Variants in SRGAP2C observed in about 807,000 individuals in gnomAD.
SRGAP2C encodes the protein SLIT-ROBO Rho GTPase-activating protein 2C.
A neutral mutation model predicts 25.1 loss-of-function variants in SRGAP2C; 15 were observed. The ratio of observed to expected loss-of-function variants is 0.60; its 90% CI spans 0.40 to 0.92. The LOEUF (loss-of-function observed/expected upper bound fraction) is 0.92. Ranked by LOEUF, SRGAP2C falls within the 40% of genes least tolerant of loss-of-function variation. The pLI is 0.00. For synonymous variants in SRGAP2C, 44 were observed against 96.6 expected, an observed-to-expected ratio of 0.46 and a Z score of 3.19; for missense variants, 144 against 264.4, an observed-to-expected ratio of 0.54 and a Z score of 3.16.
Position 121,343,313 on chromosome 1 carries a change from A to G in SRGAP2C, c.423+18673A>G, listed in dbSNP as rs1433914351. On this transcript the variant is annotated intron_variant, in intron 4 of 9. Transcript: ENST00000367123. ...CAGTGGAATCTAATTCCATCCTTCC[A>G]ATCCCCTTCATATGAAGAGTGGGAA... is the stretch of plus-strand genomic sequence containing the variant. Among the ~76,000 whole-genome samples the G allele has an allele frequency of 4.1e-4, 63 of 152,284 alleles. 1 individual carries two copies. The highest frequency in any genetic ancestry group is 1.5e-3 in the African/African-American group (61 of 41,564).
At chr1:121,351,610 AAAATAAATAAATAAATAAATAAAT>A (rs1218821325) in intron 4 of SRGAP2C, among the ~76,000 whole-genome samples, 3 of 104,708 alleles carry the variant, frequency 2.9e-5, no homozygotes, top group Admixed American at 9.2e-5. Flanking sequence ...ACTCCATCTC[AAAATAAATAAATAAATAAATAAAT>A]AAATAAATAA....
At chr1:121,222,640 CAAAA>C (rs1402660731) in intron 2 of SRGAP2C, among the ~76,000 whole-genome samples, 1 of 151,884 alleles carries the variant, frequency 6.6e-6, no homozygotes, top group Non-Finnish European at 1.5e-5. Context: ...AACAAGCTAA[CAAAA>C]AAACCCCTAA....
At chr1:121,206,199 C>T (rs1241671295) in intron 2 of SRGAP2C, among the ~76,000 whole-genome samples, 4 of 151,962 alleles carry the variant, frequency 2.6e-5, no homozygotes, top group Non-Finnish European at 4.4e-5. Context: ...CACCCCCACC[C>T]CCATGCTCCT....
chr1:121,284,162 C>G (rs1355649740), intron 2 of SRGAP2C, among the ~76,000 whole-genome samples: 2 of 152,030 alleles, frequency 1.3e-5, no homozygotes, highest in South Asian at 2.1e-4. Flanking sequence ...GTTTGCCTGC[C>G]CAGAAGTTCT....
chr1:121,207,192 C>T (rs1478356184), intron 2 of SRGAP2C, among the ~76,000 whole-genome samples: 1 of 152,022 alleles, frequency 6.6e-6, no homozygotes, highest in African/African-American at 2.4e-5. Context: ...CCTCCTTTTG[C>T]AGCTTCTTAC....
intron 7 of SRGAP2C, among the ~76,000 whole-genome samples, chr1:121,379,325 G>A (rs1418320056): frequency 6.6e-6 from 1 of 151,026 alleles, no homozygotes; most frequent in African/African-American, 2.4e-5. Flanking sequence ...ACATCTGGAT[G>A]GGCTGTCATT....
intron 3 of SRGAP2C, among the ~76,000 whole-genome samples, chr1:121,293,571 T>C (rs1553337937): frequency 5.3e-5 from 8 of 152,178 alleles, no homozygotes; most frequent in African/African-American, 1.7e-4. Context: ...GGACAAGAAT[T>C]AATGGAATTC....
At chr1:121,286,746 G>T (rs1442384677) in intron 3 of SRGAP2C, among the ~76,000 whole-genome samples, 36 of 151,436 alleles carry the variant, frequency 2.4e-4, no homozygotes, top group African/African-American at 8.5e-4. Flanking sequence ...TTTTTGGCTT[G>T]GTCTTTAAGC....
chr1:121,260,350 G>T (rs1553333302), intron 2 of SRGAP2C, among the ~76,000 whole-genome samples: 5 of 151,906 alleles, frequency 3.3e-5, no homozygotes, highest in African/African-American at 1.2e-4. Flanking sequence ...AGGCTCAAGT[G>T]TGCTTGGTGT....
chr1:121,270,725 C>T (rs1241245084), intron 2 of SRGAP2C, among the ~76,000 whole-genome samples: 1 of 141,332 alleles, frequency 7.1e-6, no homozygotes, highest in Non-Finnish European at 1.5e-5. Flanking sequence ...TCCCACTCTC[C>T]TCCATTACTT....
At chr1:121,377,268 T>C (rs1411505621) in intron 7 of SRGAP2C, among the ~76,000 whole-genome samples, 3 of 101,618 alleles carry the variant, frequency 3.0e-5, no homozygotes, top group South Asian at 3.3e-4. Context: ...TGTTTCTTTT[T>C]TTTTTTTTTT....
intron 4 of SRGAP2C, among the ~76,000 whole-genome samples, chr1:121,346,619 GGAGTT>G (rs1658749470): frequency 1.3e-5 from 2 of 152,272 alleles, no homozygotes; most frequent in Admixed American, 6.5e-5. Context: ...TTAAGGATAG[GGAGTT>G]GAGCTTTTTG....
chr1:121,198,281 G>GTT (rs71278814), intron 2 of SRGAP2C, among the ~76,000 whole-genome samples: 80 of 142,220 alleles, frequency 5.6e-4, no homozygotes, highest in African/African-American at 1.8e-3. Flanking sequence ...TATTCTCTTT[G>GTT]TTTTTTTTTT....
chr1:121,296,282 CTG>C (rs1163650290), intron 3 of SRGAP2C, among the ~76,000 whole-genome samples: 5 of 152,064 alleles, frequency 3.3e-5, no homozygotes, highest in East Asian at 1.9e-4. Context: ...ATGGTTGAAA[CTG>C]TGGAAATATT....
At chr1:121,281,392 C>T (rs1350166054) in intron 2 of SRGAP2C, among the ~76,000 whole-genome samples, 1 of 151,082 alleles carries the variant, frequency 6.6e-6, no homozygotes, top group Non-Finnish European at 1.5e-5. Context: ...TTCTCCTTCT[C>T]CACCTCCTGT....
intron 2 of SRGAP2C, among the ~76,000 whole-genome samples, chr1:121,244,406 A>T (rs1452303129): frequency 1.7e-5 from 2 of 117,506 alleles, no homozygotes; most frequent in Non-Finnish European, 3.5e-5. Flanking sequence ...AAATTGTTGG[A>T]TATTTTCCTA....
At chr1:121,354,930 G>T (rs1313959688) in intron 4 of SRGAP2C, among the ~76,000 whole-genome samples, 2 of 40,296 alleles carry the variant, frequency 5.0e-5, no homozygotes, top group Admixed American at 6.0e-4. Flanking sequence ...CCAGCTACTT[G>T]GGAGGCTGAG....
chr1:121,306,805 G>A (rs1424954059), intron 3 of SRGAP2C, among the ~76,000 whole-genome samples: 1 of 152,082 alleles, frequency 6.6e-6, no homozygotes, highest in Admixed American at 6.6e-5. Flanking sequence ...CATTACTCTG[G>A]AACAGTGACT....
chr1:121,208,867 G>A (rs1339724599), intron 2 of SRGAP2C, among the ~76,000 whole-genome samples: 8 of 151,992 alleles, frequency 5.3e-5, no homozygotes, highest in Non-Finnish European at 1.0e-4. Context: ...GCCGTCATCT[G>A]CTAATTTCAC....
Sources: gnomAD v4.1 joint callset for allele counts (sites outside exome capture counted in the v4.1 genomes callset) on GRCh38, gnomAD v4.1.1 for gene constraint, MANE v1.5 for transcripts, NCBI Gene and HGNC (gene_info 2026-07-23, HGNC 2026-07-21) for gene names.